The following MEIKIN variants were observed in gnomAD, a reference collection of about 807,000 sequenced individuals.
The protein encoded by MEIKIN is meiotic kinetochore factor.
chr5:131,878,147 T>G (rs1166088087), intron 9 of MEIKIN, among the ~76,000 whole-genome samples: 2 of 152,256 alleles, frequency 1.3e-5, no homozygotes, highest in African/African-American at 4.8e-5. Flanking sequence ...TCTCTTTCAT[T>G]AAACTTATAT....
chr5:131,869,762 A>C (rs1027917456), intron 9 of MEIKIN, among the ~76,000 whole-genome samples: 1 of 152,198 alleles, frequency 6.6e-6, no homozygotes, highest in Non-Finnish European at 1.5e-5. Context: ...AGATTTGTCC[A>C]TATTCAGCCT....
chr5:131,867,018 T>C (rs1236516363), intron 9 of MEIKIN, among the ~76,000 whole-genome samples: 1 of 152,178 alleles, frequency 6.6e-6, no homozygotes, highest in Non-Finnish European at 1.5e-5. Context: ...ATTCATCCAG[T>C]TACCATTATT....
At chr5:131,862,742 G>A (rs1010330450) in intron 9 of MEIKIN, among the ~76,000 whole-genome samples, 2 of 152,018 alleles carry the variant, frequency 1.3e-5, no homozygotes, top group East Asian at 3.8e-4. Flanking sequence ...TGTCACCCAG[G>A]CTAGAGTGCA....
At chr5:131,945,088 C>T (rs1751939122) in intron 2 of MEIKIN, 68 bp downstream of exon 2, 2 of 398,970 alleles carry the variant, frequency 5.0e-6, no homozygotes, top group East Asian at 3.6e-5. Context: ...AGGCTACTAG[C>T]AGAAAATTCG....
chr5:131,892,934 G>A (rs1269577040), intron 8 of MEIKIN, among the ~76,000 whole-genome samples: 1 of 152,176 alleles, frequency 6.6e-6, no homozygotes, highest in Non-Finnish European at 1.5e-5. Context: ...CCTTCTAACA[G>A]TCAGGACCCT....
At chr5:131,933,417 T>C (rs916459450) in intron 5 of MEIKIN, 96 bp downstream of exon 5, 1 of 385,578 alleles carries the variant, frequency 2.6e-6, no homozygotes, top group Non-Finnish European at 4.6e-6. Context: ...AAGAGGAGTA[T>C]GCCTTCTCGA....
intron 12 of MEIKIN, among the ~76,000 whole-genome samples, chr5:131,808,184 ACTC>A (rs539283370): frequency 7.2e-5 from 11 of 151,728 alleles, no homozygotes; most frequent in Non-Finnish European, 1.6e-4. Flanking sequence ...ACTACTCTCT[ACTC>A]CTCCCTGTTT....
At chr5:131,867,078 T>G (rs1397930327) in intron 9 of MEIKIN, among the ~76,000 whole-genome samples, 2 of 152,224 alleles carry the variant, frequency 1.3e-5, no homozygotes, top group African/African-American at 4.8e-5. Flanking sequence ...TGTTACTTCC[T>G]CACTTTCCAT....
intron 11 of MEIKIN, among the ~76,000 whole-genome samples, chr5:131,834,594 G>A (rs183333774): frequency 2.4e-4 from 37 of 152,224 alleles, no homozygotes; most frequent in Non-Finnish European, 4.7e-4. Context: ...GTCATTGTAT[G>A]TGTGGCTTAT....
At chr5:131,825,604 CA>C (rs1749597085) in intron 11 of MEIKIN, among the ~76,000 whole-genome samples, 1 of 152,166 alleles carries the variant, frequency 6.6e-6, no homozygotes, top group African/African-American at 2.4e-5. Flanking sequence ...ACTCAGCCCC[CA>C]GAGGTCAAAC....
chr5:131,868,064 T>C (rs1750419044), intron 9 of MEIKIN, among the ~76,000 whole-genome samples: 1 of 152,222 alleles, frequency 6.6e-6, no homozygotes. Context: ...GCCATTCTAA[T>C]AGGTGTGTAA....
At chr5:131,811,906 T>C (rs577599148) in intron 12 of MEIKIN, among the ~76,000 whole-genome samples, 2 of 152,334 alleles carry the variant, frequency 1.3e-5, no homozygotes, top group African/African-American at 4.8e-5. Context: ...GCCAACTTCT[T>C]CTTAAAGTAT....
rs111705077 is a variant in MEIKIN at position 131,890,539 on chromosome 5, A to G, written c.704-11491T>C. Among the ~76,000 whole-genome samples, 934 of 152,234 alleles carry G rather than the reference A, an allele frequency of 6.1e-3. 7 individuals are homozygous for G. Among genetic ancestry groups the G allele is most frequent in the African/African-American group, 0.021 (885 of 41,540 alleles). On this transcript the variant is annotated intron_variant, in intron 8 of 12. Transcript: ENST00000442687. ...ACAGTATTCTCTGATGGTAGTTTGTATTTCTGTGGGATCAGTGATGATATC... is the reference window on the plus strand; with the variant it reads ...ACAGTATTCTCTGATGGTAGTTTGTGTTTCTGTGGGATCAGTGATGATATC...
intron 9 of MEIKIN, among the ~76,000 whole-genome samples, chr5:131,870,626 A>C (rs1462638430): frequency 1.3e-5 from 2 of 152,190 alleles, no homozygotes; most frequent in Non-Finnish European, 2.9e-5. Context: ...TATCACACTA[A>C]ATAGCATCTT....
At chr5:131,845,014 T>C (rs930784705) in intron 11 of MEIKIN, among the ~76,000 whole-genome samples, 1 of 152,168 alleles carries the variant, frequency 6.6e-6, no homozygotes, top group African/African-American at 2.4e-5. Flanking sequence ...CTCACGCCTA[T>C]AATCCCAGCA....
chr5:131,871,319 A>G (rs1379160542), intron 9 of MEIKIN, among the ~76,000 whole-genome samples: 1 of 152,242 alleles, frequency 6.6e-6, no homozygotes, highest in Non-Finnish European at 1.5e-5. Flanking sequence ...CACTTTCCCA[A>G]CTGGCTTAAA....
At chr5:131,872,772 G>A (rs1207916829) in intron 9 of MEIKIN, among the ~76,000 whole-genome samples, 1 of 152,182 alleles carries the variant, frequency 6.6e-6, no homozygotes, top group Non-Finnish European at 1.5e-5. Flanking sequence ...CCCACAAAGG[G>A]AAGCCCATCA....
At chr5:131,814,199 TC>T (rs1773058266) in intron 12 of MEIKIN, among the ~76,000 whole-genome samples, 2 of 151,848 alleles carry the variant, frequency 1.3e-5, no homozygotes, top group South Asian at 4.1e-4. Context: ...ATACTTTGCA[TC>T]CTTTAATTCA....
chr5:131,879,341 A>T (rs1162207801), intron 8 of MEIKIN, among the ~76,000 whole-genome samples: 1 of 152,160 alleles, frequency 6.6e-6, no homozygotes, highest in Non-Finnish European at 1.5e-5. Context: ...TTCATTCATT[A>T]TCCTACCATT....
Sources: gnomAD v4.1 joint callset for allele counts (sites outside exome capture counted in the v4.1 genomes callset) on GRCh38, gnomAD v4.1.1 for gene constraint, MANE v1.5 for transcripts, NCBI Gene and HGNC (gene_info 2026-07-23, HGNC 2026-07-21) for gene names.